FUT9: variants seen among roughly 807,000 people sequenced by gnomAD.
FUT9 encodes fucosyltransferase 9, also known as 4-galactosyl-N-acetylglucosaminide 3-alpha-L-fucosyltransferase 9.
FUT9 carries 15 observed loss-of-function variants against 29.7 expected under a neutral mutation model. The observed-to-expected ratio is 0.51, with a 90% CI of 0.34 to 0.78. FUT9 has a LOEUF of 0.78. Ranked by LOEUF, FUT9 falls within the 30% of genes least tolerant of loss-of-function variation. The pLI is 0.01. For missense variants in FUT9, 319 were observed against 425.4 expected, an observed-to-expected ratio of 0.75 and a Z score of 2.20; for synonymous variants, 169 against 153.7, an observed-to-expected ratio of 1.10 and a Z score of -0.74.
At chr6:96,174,553 T>A (rs1039287875) in intron 2 of FUT9, among the ~76,000 whole-genome samples, 4 of 152,056 alleles carry the variant, frequency 2.6e-5, no homozygotes, top group Non-Finnish European at 2.9e-5. Flanking sequence ...GAAGAGACAA[T>A]ACCTACCAGG....
chr6:96,054,102 G>A (rs779902120), intron 1 of FUT9, among the ~76,000 whole-genome samples: 2 of 152,104 alleles, frequency 1.3e-5, no homozygotes, highest in South Asian at 2.1e-4. Flanking sequence ...CTGTTTCAAG[G>A]TCAGTTTCAT....
chr6:96,041,450 A>G (rs989196822), intron 1 of FUT9, among the ~76,000 whole-genome samples: 2 of 152,130 alleles, frequency 1.3e-5, no homozygotes, highest in Admixed American at 1.3e-4. Context: ...ACAGACATCT[A>G]CTCATATTAA....
chr6:96,050,241 T>G (rs1042836839), intron 1 of FUT9, among the ~76,000 whole-genome samples: 3 of 152,200 alleles, frequency 2.0e-5, no homozygotes, highest in South Asian at 2.1e-4. Flanking sequence ...CCTGTGTGAA[T>G]GCACAGGTCA....
At chr6:96,057,471 A>C (rs903124013) in intron 1 of FUT9, among the ~76,000 whole-genome samples, 2 of 152,208 alleles carry the variant, frequency 1.3e-5, no homozygotes, top group Admixed American at 1.3e-4. Flanking sequence ...GAAATATAGA[A>C]ACTGAATTGC....
chr6:96,128,598 T>C (rs927607851), intron 2 of FUT9, among the ~76,000 whole-genome samples: 2 of 152,184 alleles, frequency 1.3e-5, no homozygotes, highest in Admixed American at 6.5e-5. Flanking sequence ...AAACATATAT[T>C]GTTTGACCCA....
chr6:96,113,496 C>T (rs1476687570), intron 1 of FUT9, among the ~76,000 whole-genome samples: 1 of 151,442 alleles, frequency 6.6e-6, no homozygotes, highest in Admixed American at 6.6e-5. Context: ...GTCTCGGCCT[C>T]CCAAAGTGCT....
In FUT9 at chr6:96,058,468, C is replaced by CATAAAA. The variant is rs376198189; in HGVS notation, c.-98+42257_-98+42258insTAAAAA. On this transcript the variant is annotated intron_variant, in intron 1 of 2. Transcript: ENST00000302103. Reference sequence around the variant, plus strand: ...AAAGACTGGGAACCTGGCTTTATTCCAAAAAAAAAAAAAAAAAAGCCAGAA... The same window carrying CATAAAA: ...AAAGACTGGGAACCTGGCTTTATTCCATAAAAAAAAAAAAAAAAAAAAAAGCCAGAA... 1.5e-3 allele frequency among the ~76,000 whole-genome samples: 114 copies of CATAAAA among 77,168 alleles called. 2 individuals are homozygous for CATAAAA. The highest frequency in any genetic ancestry group is 6.2e-3 in the African/African-American group (107 of 17,138). 50.6% of individuals were successfully genotyped at this position (77,168 alleles called of 152,430 possible).
chr6:96,203,746 C>A lies in FUT9; in HGVS notation c.591C>A (p.Asn197Lys). ...TGTGCTGGGTTGTGAGTAACTGGAA[C>A]CCTGAGCATGCCAGAGTCAAGTATT... ...KLVCWVVSNWNPEHARVKYYN... is the reference protein window; with the variant it reads ...KLVCWVVSNWKPEHARVKYYN... Residue 197 changes from asparagine to lysine, a missense_variant, in exon 3 of 3, where the codon AAC becomes AAA. Coordinates refer to ENST00000302103, the MANE Select transcript of FUT9 (RefSeq NM_006581.4). The A allele has an allele frequency of 6.2e-7, 1 of 1,614,010 alleles. No individual in the cohort carries two copies. Among genetic ancestry groups the A allele is most frequent in the Non-Finnish European group, 8.5e-7 (1 of 1,180,012 alleles).
intron 2 of FUT9, among the ~76,000 whole-genome samples, chr6:96,202,590 T>A (rs1314762556): frequency 1.3e-5 from 2 of 152,130 alleles, no homozygotes; most frequent in East Asian, 3.9e-4. Context: ...GAGTTGCCAT[T>A]TTTTTACCAG....
In FUT9 at chr6:96,203,184, G is replaced by C; in HGVS notation, c.29G>C (p.Arg10Pro). MTSTSKGIL[R>P]PFLIVCIILG... ...ACATCAACATCCAAAGGAATTCTTC[G>C]CCCATTTTTAATTGTCTGCATTATC... The change falls in exon 3 of 3, where the codon CGC becomes CCC. Residue 10 changes from arginine (R) to proline (P), a missense_variant. Transcript: ENST00000302103. 6.3e-7 allele frequency: 1 copy of C among 1,592,600 alleles called. No individual in the cohort carries two copies. Among genetic ancestry groups the C allele is most frequent in the Non-Finnish European group, 8.6e-7 (1 of 1,164,568 alleles).
At chr6:96,097,857 T>G (rs1024956621) in intron 1 of FUT9, among the ~76,000 whole-genome samples, 3 of 152,138 alleles carry the variant, frequency 2.0e-5, no homozygotes, top group African/African-American at 7.2e-5. Flanking sequence ...TTAAATATTT[T>G]TAAATCATCA....
At chr6:96,118,310 C>A (rs1475939360) in intron 2 of FUT9, among the ~76,000 whole-genome samples, 12 of 151,158 alleles carry the variant, frequency 7.9e-5, no homozygotes, top group African/African-American at 2.7e-4. Context: ...AAATCCTATG[C>A]AAGAACCAAA....
chr6:96,112,343 T>C (rs1771825267), intron 1 of FUT9, among the ~76,000 whole-genome samples: 1 of 152,214 alleles, frequency 6.6e-6, no homozygotes, highest in African/African-American at 2.4e-5. Flanking sequence ...GACAAATTTC[T>C]TCATTTACAA....
chr6:96,186,124 T>C (rs991527872), intron 2 of FUT9, among the ~76,000 whole-genome samples: 13 of 152,134 alleles, frequency 8.5e-5, no homozygotes, highest in Admixed American at 4.6e-4. Flanking sequence ...TAAACTTGCC[T>C]TTTTTTCTAA....
intron 1 of FUT9, among the ~76,000 whole-genome samples, chr6:96,030,989 T>TGC (rs1417794874): frequency 6.6e-6 from 1 of 151,586 alleles, no homozygotes; most frequent in Non-Finnish European, 1.5e-5. Flanking sequence ...GATGGAACTG[T>TGC]GCTATATCTG....
intron 1 of FUT9, among the ~76,000 whole-genome samples, chr6:96,110,815 C>CTATTATTTATTTATTTATTTATT (rs1554193306): frequency 4.8e-5 from 7 of 145,046 alleles, no homozygotes; most frequent in Admixed American, 2.1e-4. Flanking sequence ...ACAAATGTGC[C>CTATTATTTATTTATTTATTTATT]TATTTATTTA....
intron 1 of FUT9, among the ~76,000 whole-genome samples, chr6:96,083,678 CTTCTCTTGAGTTACCATTTATTGA>C (rs1312006152): frequency 6.6e-6 from 1 of 152,058 alleles, no homozygotes; most frequent in East Asian, 1.9e-4. Context: ...CTAAGCTCTG[CTTCTCTTGAGTTACCATTTATTGA>C]TCTGAGCTTT....
At chr6:96,174,890 T>G (rs190475400) in intron 2 of FUT9, among the ~76,000 whole-genome samples, 36 of 152,248 alleles carry the variant, frequency 2.4e-4, no homozygotes, top group African/African-American at 8.4e-4. Context: ...CTCCTTGAAA[T>G]TCAATGCAAT....
At chr6:96,056,394 T>C (rs1770768487) in intron 1 of FUT9, among the ~76,000 whole-genome samples, 2 of 152,218 alleles carry the variant, frequency 1.3e-5, no homozygotes, top group African/African-American at 4.8e-5. Context: ...GGAGAATCAG[T>C]ACTACAAACA....
Sources: allele counts gnomAD v4.1 joint callset (sites outside exome capture counted in the v4.1 genomes callset), GRCh38; gene constraint gnomAD v4.1.1; transcripts MANE v1.5; gene names NCBI Gene and HGNC (gene_info 2026-07-23, HGNC 2026-07-21).